Variants in HCN1 observed in about 807,000 individuals in gnomAD.
HCN1 encodes hyperpolarization activated cyclic nucleotide gated potassium channel 1, also known as potassium/sodium hyperpolarization-activated cyclic nucleotide-gated channel 1.
A neutral mutation model predicts 78.9 loss-of-function variants in HCN1; 13 were observed. That is an observed-to-expected ratio of 0.16 (90% CI 0.11 to 0.26). The LOEUF is 0.26. Ranked by LOEUF, HCN1 falls within the 10% of genes least tolerant of loss-of-function variation. The probability of loss-of-function intolerance (pLI) is 1.00; values close to 1 mark genes in which losing one functional copy is unlikely to be tolerated. For missense variants in HCN1, 810 were observed against 1,154.3 expected, an observed-to-expected ratio of 0.70 and a Z score of 4.32; for synonymous variants, 552 against 455.5, an observed-to-expected ratio of 1.21 and a Z score of -2.70.
intron 2 of HCN1, among the ~76,000 whole-genome samples, chr5:45,628,200 C>A (rs1745204895): frequency 6.6e-6 from 1 of 152,118 alleles, no homozygotes; most frequent in African/African-American, 2.4e-5. Flanking sequence ...AAAATTGGTC[C>A]TCTCAAGGTA....
At chr5:45,684,649 T>C (rs1171023002) in intron 1 of HCN1, among the ~76,000 whole-genome samples, 1 of 152,066 alleles carries the variant, frequency 6.6e-6, no homozygotes, top group Non-Finnish European at 1.5e-5. Context: ...TTGCTTGAGG[T>C]CAGGAGCTCA....
chr5:45,452,301 A>G (rs1740934744), intron 3 of HCN1, among the ~76,000 whole-genome samples: 1 of 151,484 alleles, frequency 6.6e-6, no homozygotes, highest in South Asian at 2.1e-4. Flanking sequence ...TAGCTGGTAA[A>G]TACTAGAAGG....
At chr5:45,585,489 C>T (rs1368441340) in intron 2 of HCN1, among the ~76,000 whole-genome samples, 1 of 152,140 alleles carries the variant, frequency 6.6e-6, no homozygotes, top group African/African-American at 2.4e-5. Context: ...TCCTTTAGCT[C>T]AGAGTAGTTT....
At chr5:45,564,269 T>C (rs1743663349) in intron 2 of HCN1, among the ~76,000 whole-genome samples, 1 of 152,032 alleles carries the variant, frequency 6.6e-6, no homozygotes. Context: ...GGAAGCTTTT[T>C]TTTTTTTTTG....
intron 2 of HCN1, among the ~76,000 whole-genome samples, chr5:45,611,970 C>T (rs1377449948): frequency 6.6e-6 from 1 of 151,820 alleles, no homozygotes. Flanking sequence ...TGTATGTTGC[C>T]CAAAAACACA....
chr5:45,626,463 G>T (rs987663828), intron 2 of HCN1, among the ~76,000 whole-genome samples: 2 of 152,062 alleles, frequency 1.3e-5, no homozygotes, highest in Non-Finnish European at 2.9e-5. Context: ...CATCCTACTA[G>T]AGACAGAGTA....
intron 3 of HCN1, among the ~76,000 whole-genome samples, chr5:45,444,294 T>G (rs1740740189): frequency 6.6e-6 from 1 of 152,160 alleles, no homozygotes; most frequent in Admixed American, 6.5e-5. Flanking sequence ...TTTAAATTAG[T>G]TTTGAAAGCA....
chr5:45,558,283 G>T (rs1427014651), intron 2 of HCN1: 1 of 152,098 alleles, frequency 6.6e-6, no homozygotes, highest in Non-Finnish European at 1.5e-5. Flanking sequence ...CTTTAATTCT[G>T]TGAAGCCTGA....
intron 2 of HCN1, among the ~76,000 whole-genome samples, chr5:45,594,811 AC>A (rs1201396236): frequency 1.3e-5 from 2 of 152,152 alleles, no homozygotes; most frequent in African/African-American, 4.8e-5. Flanking sequence ...TCCCCCTACT[AC>A]CTTCTGTTAT....
chr5:45,442,288 G>T (rs919657267), intron 3 of HCN1, among the ~76,000 whole-genome samples: 2 of 152,034 alleles, frequency 1.3e-5, no homozygotes, highest in Non-Finnish European at 2.9e-5. Context: ...GAGAAAGGAA[G>T]AATTCTGTTA....
At chr5:45,689,244 C>T in intron 1 of HCN1, among the ~76,000 whole-genome samples, 1 of 151,846 alleles carries the variant, frequency 6.6e-6, no homozygotes. Flanking sequence ...ACATGTTTAC[C>T]TATTTAACAA....
chr5:45,397,590 G>A (rs1739712514), intron 3 of HCN1, among the ~76,000 whole-genome samples: 1 of 151,456 alleles, frequency 6.6e-6, no homozygotes, highest in South Asian at 2.1e-4. Flanking sequence ...AAAAGCCAGA[G>A]CAAAATGAAA....
intron 2 of HCN1, among the ~76,000 whole-genome samples, chr5:45,534,445 A>AAAAAAAAC (rs1742924755): frequency 7.2e-6 from 1 of 138,112 alleles, no homozygotes; most frequent in East Asian, 2.1e-4. Flanking sequence ...AAAAAAAAAA[A>AAAAAAAAC]TTAATACAGG....
At chr5:45,495,396 CTGTT>C (rs1742003912) in intron 2 of HCN1, among the ~76,000 whole-genome samples, 5 of 143,786 alleles carry the variant, frequency 3.5e-5, no homozygotes, top group Non-Finnish European at 6.1e-5. Flanking sequence ...ATTTGGCTCT[CTGTT>C]TGTCTGTTAT....
At chr5:45,301,497 T>C (rs920138156) in intron 6 of HCN1, among the ~76,000 whole-genome samples, 4 of 151,278 alleles carry the variant, frequency 2.6e-5, no homozygotes, top group East Asian at 2.0e-4. Flanking sequence ...GGGAGGAGGA[T>C]TGTTTGAGCC....
chr5:45,426,280 A>T (rs1232120008), intron 3 of HCN1, among the ~76,000 whole-genome samples: 1 of 152,288 alleles, frequency 6.6e-6, no homozygotes, highest in East Asian at 1.9e-4. Flanking sequence ...TATGGAGCTA[A>T]TGTGAATGGT....
At chr5:45,468,596 C>A (rs1741328603) in intron 2 of HCN1, among the ~76,000 whole-genome samples, 1 of 151,878 alleles carries the variant, frequency 6.6e-6, no homozygotes, top group South Asian at 2.1e-4. Context: ...ATATTTTTTG[C>A]ATAGAATTTT....
chr5:45,343,227 G>C (rs1455793607), intron 5 of HCN1, among the ~76,000 whole-genome samples: 2 of 152,166 alleles, frequency 1.3e-5, no homozygotes, highest in African/African-American at 2.4e-5. Context: ...AGAGTATAGA[G>C]GGACTGGAAG....
At chr5:45,573,295 C>T (rs2111906147) in intron 2 of HCN1, among the ~76,000 whole-genome samples, 1 of 152,156 alleles carries the variant, frequency 6.6e-6, no homozygotes, top group South Asian at 2.1e-4. Context: ...AAAATCTGAA[C>T]ATCATTATGA....
Sources: gnomAD v4.1 joint callset for allele counts (sites outside exome capture counted in the v4.1 genomes callset) on GRCh38, gnomAD v4.1.1 for gene constraint, MANE v1.5 for transcripts, NCBI Gene and HGNC (gene_info 2026-07-23, HGNC 2026-07-21) for gene names.